Variants in ZNF595 observed in about 807,000 individuals in gnomAD.
The protein encoded by ZNF595 is zinc finger protein 595.
A neutral mutation model predicts 19.4 loss-of-function variants in ZNF595; 9 were observed. That is an observed-to-expected ratio of 0.46 (90% CI 0.28 to 0.81). The LOEUF (loss-of-function observed/expected upper bound fraction) is 0.81, where lower values mean the gene tolerates loss of function less well. ZNF595 is among the 30% of genes least tolerant of loss of function. The pLI is 0.11. For synonymous variants in ZNF595, 255 were observed against 255.9 expected, an observed-to-expected ratio of 1.00 and a Z score of 0.03; for missense variants, 729 against 736.0, an observed-to-expected ratio of 0.99 and a Z score of 0.11.
At chr4:82,996 G>A (rs1713979732) in intron 3 of ZNF595, among the ~76,000 whole-genome samples, 1 of 151,902 alleles carries the variant, frequency 6.6e-6, no homozygotes, top group Admixed American at 6.6e-5. Flanking sequence ...TGCTCTCTAT[G>A]TCTTGCTTTA....
chr4:77,107 G>T, intron 3 of ZNF595, among the ~76,000 whole-genome samples: 1 of 151,294 alleles, frequency 6.6e-6, no homozygotes, highest in Non-Finnish European at 1.5e-5. Context: ...GCAGTATGTG[G>T]CCCAAATGCT....
chr4:80,098 C>G (rs797035589), intron 3 of ZNF595, among the ~76,000 whole-genome samples: 10 of 152,306 alleles, frequency 6.6e-5, no homozygotes, highest in African/African-American at 2.2e-4. Context: ...TCTCAGCTCA[C>G]TGCAACCTCC....
chr4:84,194 T>C (rs1221498013), intron 3 of ZNF595, among the ~76,000 whole-genome samples: 2 of 142,702 alleles, frequency 1.4e-5, no homozygotes, highest in East Asian at 3.8e-4. Flanking sequence ...TTTATGATCA[T>C]TTTTATGCTC....
intron 3 of ZNF595, among the ~76,000 whole-genome samples, chr4:64,838 T>C (rs1713013028): frequency 6.6e-6 from 1 of 152,252 alleles, no homozygotes; most frequent in Non-Finnish European, 1.5e-5. Flanking sequence ...ACAGTTTGTC[T>C]GCATATGATG....
intron 3 of ZNF595, among the ~76,000 whole-genome samples, chr4:64,730 C>G (rs1289986142): frequency 1.3e-5 from 2 of 152,270 alleles, no homozygotes; most frequent in African/African-American, 2.4e-5. Flanking sequence ...GGTTGTATTA[C>G]CAGAGATTTG....
At chr4:68,938 GCTTT>G (rs1265521075) in intron 3 of ZNF595, among the ~76,000 whole-genome samples, 2 of 152,088 alleles carry the variant, frequency 1.3e-5, no homozygotes, top group African/African-American at 2.4e-5. Flanking sequence ...CAATCCTTCT[GCTTT>G]CTATCTCCAT....
intron 3 of ZNF595, among the ~76,000 whole-genome samples, chr4:67,066 A>G (rs1340276970): frequency 7.0e-6 from 1 of 142,246 alleles, no homozygotes; most frequent in African/African-American, 2.6e-5. Flanking sequence ...ACAGATAAGA[A>G]TATGTTCAAG....
intron 3 of ZNF595, among the ~76,000 whole-genome samples, chr4:67,610 T>A (rs1581334555): frequency 6.7e-6 from 1 of 150,010 alleles, no homozygotes; most frequent in African/African-American, 2.4e-5. Context: ...ATTTATTTAT[T>A]AAGAAAAGTT....
chr4:84,176 A>G (rs1714040168), intron 3 of ZNF595, among the ~76,000 whole-genome samples: 1 of 152,022 alleles, frequency 6.6e-6, no homozygotes, highest in Non-Finnish European at 1.5e-5. Context: ...ACAGATTATG[A>G]TGAACAGTTT....
chr4:79,482 C>A (rs561225237), intron 3 of ZNF595, among the ~76,000 whole-genome samples: 43 of 152,254 alleles, frequency 2.8e-4, no homozygotes, highest in African/African-American at 1.0e-3. Context: ...ATTGAAAAGA[C>A]TGTCTTTTTC....
At position 86,027 on chromosome 4, in the gene ZNF595, T is replaced by G; in HGVS notation, c.523T>G (p.Cys175Gly). The G allele has an allele frequency of 6.2e-7, 1 of 1,609,886 alleles. No homozygotes were observed. The highest frequency in any genetic ancestry group is 8.5e-7 in the Non-Finnish European group (1 of 1,177,538). The change falls in exon 4 of 4, where the codon TGT (cysteine) becomes GGT (glycine). Residue 175 changes from cysteine (C) to glycine (G), a missense_variant. By Grantham distance (159) the Cys-to-Gly change is radical. Around this residue, in one of 2 missense-constraint regions of ZNF595, gnomAD observed 729 missense variants for 675.3 expected, o/e 1.08. Transcript: ENST00000610261. ...IRHTGEKPFKCTECGRSFYMS... is the reference protein window; with the variant it reads ...IRHTGEKPFKGTECGRSFYMS... ...ACATACTGGAGAGAAACCCTTTAAA[T>G]GTACAGAATGTGGCAGATCGTTTTA...
Position 85,816 on chromosome 4 carries a change from G to A in ZNF595, c.312G>A (p.Glu104=), listed in dbSNP as rs1714113841. The change falls in exon 4 of 4, where the codon GAG becomes GAA. Residue 104 remains glutamate, a synonymous_variant. Transcript: ENST00000610261. ...ACAAACTTATACTGAAAAGATACGA[G>A]AAATGTGGACATGAGAATTTACAAT... The part of the protein sequence containing the change: ...SFHKLILKRY[E]KCGHENLQLR... The A allele has an allele frequency of 1.2e-6, 2 of 1,613,936 alleles. No individual in the cohort carries two copies. The highest frequency in any genetic ancestry group is 1.7e-6 in the Non-Finnish European group (2 of 1,179,904).
chr4:79,633 G>T (rs1713820079), intron 3 of ZNF595, among the ~76,000 whole-genome samples: 2 of 147,370 alleles, frequency 1.4e-5, no homozygotes, highest in Admixed American at 1.4e-4. Context: ...TAGCTTTATA[G>T]TATATTTTCG....
In ZNF595 at chr4:86,550, T is replaced by G. The variant is rs782363057; in HGVS notation, c.1046T>G (p.Phe349Cys). The G allele has an allele frequency of 6.2e-7, 1 of 1,613,852 alleles. No individual in the cohort carries two copies. The highest frequency in any genetic ancestry group is 1.1e-5 in the South Asian group (1 of 91,068). The change falls in exon 4 of 4, where the codon TTT (phenylalanine) becomes TGT (cysteine). Residue 349 changes from phenylalanine (F) to cysteine (C), a missense_variant. Physicochemically the swap from Phe to Cys is radical, Grantham distance 205. This residue lies in a region of ZNF595 where 729 missense variants were observed against 675.3 expected (regional missense o/e 1.08). Transcript: ENST00000610261. ...PYTCEKCGKA[F>C]NQSSSLIIHR... is the part of the protein sequence containing the mutation. ...ACATGTGAAAAATGTGGCAAAGCTT[T>G]TAACCAATCCTCAAGTCTTATTATA...
chr4:85,968 G>T lies in ZNF595; in HGVS notation c.464G>T (p.Ser155Ile). The stretch of plus-strand genomic sequence containing the variant: ...TGTAATACATGTGTTAAAGTTTTTA[G>T]TAAATTTTCAAATTCAAACAAACAT... ...FQCNTCVKVFSKFSNSNKHKI... is the reference protein window; with the variant it reads ...FQCNTCVKVFIKFSNSNKHKI... Residue 155 changes from serine (S) to isoleucine (I), a missense_variant, in exon 4 of 4, where the codon AGT becomes ATT. Ser to Ile is a moderately radical substitution (Grantham distance 142). This residue lies in a region of ZNF595 where 729 missense variants were observed against 675.3 expected (regional missense o/e 1.08). Transcript: ENST00000610261. 6.2e-7 allele frequency: 1 copy of T among 1,609,260 alleles called. No homozygotes were observed. Among genetic ancestry groups the T allele is most frequent in the African/African-American group, 1.3e-5 (1 of 74,888 alleles).
At chr4:81,790 T>A (rs1170976832) in intron 3 of ZNF595, among the ~76,000 whole-genome samples, 1 of 152,212 alleles carries the variant, frequency 6.6e-6, no homozygotes, top group Non-Finnish European at 1.5e-5. Flanking sequence ...ATACAGTTTC[T>A]CTTCATGGTT....
Position 86,944 on chromosome 4 carries a change from C to T in ZNF595, c.1440C>T (p.Tyr480=). The change falls in exon 4 of 4, where the codon TAC becomes TAT. Residue 480 remains tyrosine (Y), a synonymous_variant. Coordinates refer to ENST00000610261, the MANE Select transcript of ZNF595 (RefSeq NM_182524.4). ...HKKIHTGEKP[Y]KCEECGKAFI... is the part of the protein sequence containing the mutation. ...AAATTCATACTGGCGAGAAACCCTACAAATGTGAAGAATGTGGCAAAGCTT... is the reference window on the plus strand; with the variant it reads ...AAATTCATACTGGCGAGAAACCCTATAAATGTGAAGAATGTGGCAAAGCTT... 2 of 1,612,962 alleles carry T rather than the reference C, an allele frequency of 1.2e-6. No individual in the cohort carries two copies. Among genetic ancestry groups the T allele is most frequent in the Non-Finnish European group, 1.7e-6 (2 of 1,179,482 alleles).
In ZNF595 at chr4:87,312, G is replaced by A; in HGVS notation, c.1808G>A (p.Trp603Ter). ...GAAGAATGTGGCAAAGCCTTCAATT[G>A]GTCCTCATCCCTTACTAAACATAAG... ...TCEECGKAFN[W>*]SSSLTKHKII... Residue 603 changes from tryptophan (W) to a stop codon, truncating the protein, a stop_gained, in exon 4 of 4, where the codon TGG (tryptophan) becomes TAG (stop). Transcript: ENST00000610261. LOFTEE classifies it high-confidence loss of function. 1.2e-6 allele frequency: 2 copies of A among 1,613,100 alleles called. No homozygotes were observed. The highest frequency in any genetic ancestry group is 1.7e-6 in the Non-Finnish European group (2 of 1,179,652).
chr4:74,088 G>A (rs13119939), intron 3 of ZNF595, among the ~76,000 whole-genome samples: 11,798 of 152,078 alleles, frequency 0.078, 522 homozygotes, highest in East Asian at 0.16. Flanking sequence ...AGGGCAGATC[G>A]CTTGAGCTCA....
Sources: allele counts gnomAD v4.1 joint callset (sites outside exome capture counted in the v4.1 genomes callset), GRCh38; gene constraint gnomAD v4.1.1; regional missense constraint gnomAD v4.1.1; transcripts MANE v1.5; gene names NCBI Gene and HGNC (gene_info 2026-07-23, HGNC 2026-07-21).